CLEC9A: variants seen among roughly 807,000 people sequenced by gnomAD.
CLEC9A encodes C-type lectin domain containing 9A, also known as C-type lectin domain family 9 member A.
Under a neutral mutation model 30.0 loss-of-function variants are expected in CLEC9A, and 24 were observed. The ratio of observed to expected loss-of-function variants is 0.80; its 90% CI spans 0.58 to 1.13. The LOEUF (loss-of-function observed/expected upper bound fraction) is 1.13. Ranked by LOEUF, CLEC9A falls within the 50% of genes most tolerant of loss-of-function variation. The probability of loss-of-function intolerance (pLI) is 0.00; values close to 1 mark genes in which losing one functional copy is unlikely to be tolerated. For synonymous variants in CLEC9A, 111 were observed against 96.8 expected, an observed-to-expected ratio of 1.15 and a Z score of -0.86; for missense variants, 251 against 280.9, an observed-to-expected ratio of 0.89 and a Z score of 0.76.
In CLEC9A at chr12:10,049,006, G is replaced by C. The variant is rs190369985; in HGVS notation, c.-162-2985G>C. Among the ~76,000 whole-genome samples, 143 of 152,272 alleles carry C rather than the reference G, an allele frequency of 9.4e-4. 1 individual carries two copies. The highest frequency in any genetic ancestry group is 3.1e-3 in the African/African-American group (128 of 41,546). On this transcript the variant is annotated intron_variant, in intron 2 of 8. Coordinates refer to ENST00000355819, the MANE Select transcript of CLEC9A (RefSeq NM_207345.4). ...ATTTCTTAAAGAATAAGACTTGAAAGTCAAAATTACTCCTTGATCCATTGG... is the reference window on the plus strand; with the variant it reads ...ATTTCTTAAAGAATAAGACTTGAAACTCAAAATTACTCCTTGATCCATTGG...
At chr12:10,039,400 A>G (rs1422488019) in intron 1 of CLEC9A, among the ~76,000 whole-genome samples, 1 of 152,244 alleles carries the variant, frequency 6.6e-6, no homozygotes, top group African/African-American at 2.4e-5. Flanking sequence ...TGTGATCAAA[A>G]TAGCTAAGTT....
At chr12:10,049,078 C>G (rs1057336669) in intron 2 of CLEC9A, among the ~76,000 whole-genome samples, 2 of 152,002 alleles carry the variant, frequency 1.3e-5, no homozygotes. Flanking sequence ...CATTAATATC[C>G]TGGTACATCT....
chr12:10,047,309 A>G (rs548351719), intron 2 of CLEC9A, among the ~76,000 whole-genome samples: 19 of 152,380 alleles, frequency 1.2e-4, no homozygotes, highest in Non-Finnish European at 2.8e-4. Context: ...ATGGAAAAGC[A>G]TATGTTCATA....
rs776787990 is a variant in CLEC9A, at chr12:10,054,255, C to T, written c.92-16C>T. The T allele has an allele frequency of 6.2e-7, 1 of 1,602,090 alleles. No homozygotes were observed. Among genetic ancestry groups the T allele is most frequent in the East Asian group, 2.2e-5 (1 of 44,718 alleles). On this transcript the variant is annotated splice_polypyrimidine_tract_variant and intron_variant, in intron 4 of 8. Coordinates refer to ENST00000355819, the MANE Select transcript of CLEC9A (RefSeq NM_207345.4). ...CTTTCTCTAACTCGGTATCATTTTT[C>T]CTATTCTGTGGTTAGGAGCATGCTG...
chr12:10,064,672 T>C lies in CLEC9A; in HGVS notation c.472-60T>C. ...GCTAGGCAAAATGTCACACTTTATA[T>C]TTCACTAGAGTTTTGTTTGTTTGTT... On this transcript the variant is annotated intron_variant, in intron 7 of 8. Coordinates refer to ENST00000355819, the MANE Select transcript of CLEC9A (RefSeq NM_207345.4). 8 of 1,541,904 alleles carry C rather than the reference T, an allele frequency of 5.2e-6. No individual in the cohort carries two copies. In the South Asian group the frequency reaches 9.7e-5, roughly 19 times the overall value.
intron 2 of CLEC9A, among the ~76,000 whole-genome samples, chr12:10,050,648 G>T (rs527307724): frequency 6.6e-6 from 1 of 152,282 alleles, no homozygotes; most frequent in South Asian, 2.1e-4. Context: ...ATTTATCAGG[G>T]AATGTTCTAT....
rs150527161 is a variant in CLEC9A, at chr12:10,055,920, G to A, written c.172+1569G>A. 6.8e-3 allele frequency among the ~76,000 whole-genome samples: 1,032 copies of A among 151,704 alleles called. 19 individuals are homozygous for A. Among genetic ancestry groups the A allele is most frequent in the Non-Finnish European group, 6.6e-3 (446 of 67,924 alleles). On this transcript the variant is annotated intron_variant, in intron 5 of 8. Transcript: ENST00000355819. ...AAAAATGCAAAAAAATTAGCCGGGAGTGGTGGGGTGCGCCTGTAATCCTAG... is the reference window on the plus strand; with the variant it reads ...AAAAATGCAAAAAAATTAGCCGGGAATGGTGGGGTGCGCCTGTAATCCTAG...
chr12:10,050,861 A>G (rs1865887078), intron 2 of CLEC9A, among the ~76,000 whole-genome samples: 1 of 152,184 alleles, frequency 6.6e-6, no homozygotes, highest in African/African-American at 2.4e-5. Flanking sequence ...GGATTAGGTT[A>G]CATTAATTTT....
chr12:10,058,747 G>T (rs1865966502), intron 5 of CLEC9A, among the ~76,000 whole-genome samples: 1 of 152,124 alleles, frequency 6.6e-6, no homozygotes, highest in Non-Finnish European at 1.5e-5. Context: ...GCTTTGCCAT[G>T]TTGGCCATGG....
intron 2 of CLEC9A, among the ~76,000 whole-genome samples, chr12:10,047,554 C>G (rs907322098): frequency 5.3e-5 from 8 of 152,222 alleles, no homozygotes; most frequent in African/African-American, 1.7e-4. Flanking sequence ...TAGCAAAATT[C>G]GACTCCTCTG....
chr12:10,053,507 A>G (rs1591891356), intron 4 of CLEC9A, among the ~76,000 whole-genome samples: 1 of 152,142 alleles, frequency 6.6e-6, no homozygotes, highest in Admixed American at 6.5e-5. Flanking sequence ...CTGTCCCTCC[A>G]ATATCCTACC....
intron 2 of CLEC9A, among the ~76,000 whole-genome samples, chr12:10,047,420 T>G (rs981026581): frequency 6.6e-6 from 1 of 152,182 alleles, no homozygotes; most frequent in Non-Finnish European, 1.5e-5. Flanking sequence ...TACAAAGATT[T>G]TTTTCCTGGT....
At chr12:10,034,271 C>G (rs1241900475) in intron 1 of CLEC9A, among the ~76,000 whole-genome samples, 1 of 152,256 alleles carries the variant, frequency 6.6e-6, no homozygotes, top group Admixed American at 6.5e-5. Context: ...TAAATGGCAG[C>G]TGTCATAGTG....
At position 10,055,294 on chromosome 12, in the gene CLEC9A, C is replaced by T. The variant is rs933065893; in HGVS notation, c.172+943C>T. Among the ~76,000 whole-genome samples the T allele has an allele frequency of 5.9e-5, 9 of 152,090 alleles. No homozygotes were observed. The East Asian group carries it at 9.6e-4, about 16-fold the overall frequency. ...TACATATTTTAGACAAATGTGAGTT[C>T]GCTTTTTAAGAAGCACACATATTAA... On this transcript the variant is annotated intron_variant, in intron 5 of 8. Transcript: ENST00000355819.
intron 2 of CLEC9A, among the ~76,000 whole-genome samples, chr12:10,048,961 G>A (rs1427917616): frequency 6.6e-6 from 1 of 152,160 alleles, no homozygotes; most frequent in African/African-American, 2.4e-5. Flanking sequence ...ATCCATGGCA[G>A]TGATAGCCTT....
intron 2 of CLEC9A, among the ~76,000 whole-genome samples, chr12:10,047,450 T>C (rs1865856578): frequency 6.6e-6 from 1 of 152,110 alleles, no homozygotes; most frequent in Non-Finnish European, 1.5e-5. Flanking sequence ...TAAAGCATCT[T>C]ACACATGGAA....
intron 1 of CLEC9A, among the ~76,000 whole-genome samples, 200 bp downstream of exon 1, chr12:10,031,172 G>A (rs1231987492): frequency 6.6e-6 from 1 of 152,256 alleles, no homozygotes; most frequent in Non-Finnish European, 1.5e-5. Flanking sequence ...TGAATGATAT[G>A]TGGGAGTATG....
intron 5 of CLEC9A, among the ~76,000 whole-genome samples, chr12:10,059,797 A>G (rs947276845): frequency 6.6e-6 from 1 of 152,196 alleles, no homozygotes; most frequent in Admixed American, 6.5e-5. Flanking sequence ...AAATAGTTGT[A>G]AATCAATATC....
chr12:10,043,221 A>T, intron 2 of CLEC9A: 1 of 396,768 alleles, frequency 2.5e-6, no homozygotes, highest in Admixed American at 2.9e-5. Context: ...ATAGGAATAC[A>T]TCAAAGCCAG....
Sources: allele counts gnomAD v4.1 joint callset (sites outside exome capture counted in the v4.1 genomes callset), GRCh38; gene constraint gnomAD v4.1.1; transcripts MANE v1.5; gene names NCBI Gene and HGNC (gene_info 2026-07-23, HGNC 2026-07-21).